Variants in RHOT1 observed in about 807,000 individuals in gnomAD.
RHOT1 encodes mitochondrial Rho GTPase 1.
A neutral mutation model predicts 95.3 loss-of-function variants in RHOT1; 27 were observed. That is an observed-to-expected ratio of 0.28 (90% CI 0.21 to 0.39). The LOEUF (loss-of-function observed/expected upper bound fraction) is 0.39. RHOT1 is among the 10% of genes least tolerant of loss of function. The pLI, the probability that RHOT1 is intolerant of heterozygous loss-of-function variation, is 1.00. For synonymous variants in RHOT1, 227 were observed against 263.5 expected (o/e 0.86, Z 1.34); for missense variants, 578 against 786.7 (o/e 0.73, Z 3.17).
rs918615159 is a variant in RHOT1 at position 32,225,640 on chromosome 17, C to T, written c.*907C>T. ...TAATTTTTTAAATGATAAAATAAAT[C>T]TAATGAATATAAACTCTCATGATAA... On this transcript the variant is annotated 3_prime_UTR_variant, in exon 20 of 20. Transcript: ENST00000545287. 1.3e-5 allele frequency: 2 copies of T among 152,170 alleles called. No homozygotes were observed. Among genetic ancestry groups the T allele is most frequent in the Non-Finnish European group, 2.9e-5 (2 of 68,018 alleles). The allele number at this position is 152,170 out of a possible 1,614,324, so 9.4% of individuals were successfully genotyped here. A position where few individuals can be genotyped will look rare whatever the true frequency, so the allele number is the denominator to read the frequency against.
At chr17:32,146,899 ATTTT>A (rs71144808) in intron 1 of RHOT1, among the ~76,000 whole-genome samples, 1 of 98,022 alleles carries the variant, frequency 1.0e-5, no homozygotes, top group Non-Finnish European at 2.0e-5. Flanking sequence ...ATTTTTGTAA[ATTTT>A]TTTTTTTTTT....
At chr17:32,197,190 G>T (rs2036952791) in intron 11 of RHOT1, among the ~76,000 whole-genome samples, 1 of 151,924 alleles carries the variant, frequency 6.6e-6, no homozygotes, top group South Asian at 2.1e-4. Context: ...TAGAAGTGGG[G>T]AGCCTGTCTC....
chr17:32,185,005 C>G (rs970236528), intron 8 of RHOT1, among the ~76,000 whole-genome samples: 1 of 152,174 alleles, frequency 6.6e-6, no homozygotes, highest in African/African-American at 2.4e-5. Flanking sequence ...ATTATAACCT[C>G]AAATTCCTGG....
At chr17:32,203,704 CTTTTA>C (rs2037495288) in intron 15 of RHOT1, among the ~76,000 whole-genome samples, 181 bp from the exon 16 acceptor site, 1 of 152,160 alleles carries the variant, frequency 6.6e-6, no homozygotes, top group Non-Finnish European at 1.5e-5. Flanking sequence ...ACAAATACAT[CTTTTA>C]TTTTAGGTCT....
chr17:32,186,858 C>T (rs1399336956), intron 8 of RHOT1, among the ~76,000 whole-genome samples: 38 of 152,162 alleles, frequency 2.5e-4, no homozygotes, highest in Admixed American at 1.3e-3. Flanking sequence ...GAGGGGGTCT[C>T]GCTGAGTTGC....
chr17:32,220,236 C>T (rs2038743902), intron 19 of RHOT1, among the ~76,000 whole-genome samples: 1 of 152,124 alleles, frequency 6.6e-6, no homozygotes, highest in Admixed American at 6.5e-5. Flanking sequence ...ATGGCACACA[C>T]CTGTAGTCCC....
intron 14 of RHOT1, 111 bp from the exon 15 acceptor site, chr17:32,202,659 C>T: frequency 4.2e-6 from 3 of 720,740 alleles, no homozygotes; most frequent in Admixed American, 3.0e-5. Flanking sequence ...AGATCAGCTA[C>T]TTCATAAAAA....
chr17:32,188,723 T>G (rs185969139), intron 8 of RHOT1, among the ~76,000 whole-genome samples: 2 of 152,366 alleles, frequency 1.3e-5, no homozygotes, highest in Admixed American at 6.5e-5. Flanking sequence ...AAAAAAACTT[T>G]GTAGAAGTTT....
At chr17:32,161,085 G>T (rs1426831016) in intron 1 of RHOT1, among the ~76,000 whole-genome samples, 1 of 152,208 alleles carries the variant, frequency 6.6e-6, no homozygotes, top group Non-Finnish European at 1.5e-5. Flanking sequence ...CAGTATTGTA[G>T]TAAAGAAATA....
chr17:32,202,599 G>T (rs557924315), intron 14 of RHOT1, among the ~76,000 whole-genome samples, 171 bp from the exon 15 acceptor site: 1 of 152,098 alleles, frequency 6.6e-6, no homozygotes, highest in Admixed American at 6.5e-5. Flanking sequence ...TCTGCATTCT[G>T]TGTACTTCAT....
Position 32,225,284 on chromosome 17 carries a change from G to A in RHOT1, c.*551G>A, listed in dbSNP as rs1439244568. On this transcript the variant is annotated 3_prime_UTR_variant, in exon 20 of 20. Coordinates refer to ENST00000545287, the MANE Select transcript of RHOT1 (RefSeq NM_001033566.3). ...CAGTCAGTTGTGGTAGGCCAGCCTTGAAGCCATCGCACAGTCTAGAAACTT... is the reference window on the plus strand; with the variant it reads ...CAGTCAGTTGTGGTAGGCCAGCCTTAAAGCCATCGCACAGTCTAGAAACTT... 1 of 153,346 alleles carries A rather than the reference G, an allele frequency of 6.5e-6. No individual in the cohort carries two copies. The highest frequency in any genetic ancestry group is 1.5e-5 in the Non-Finnish European group (1 of 68,522). The allele number at this position is 153,346 out of a possible 1,614,324, so 9.5% of individuals were successfully genotyped here.
intron 14 of RHOT1, among the ~76,000 whole-genome samples, chr17:32,202,484 C>T (rs1253545179): frequency 1.3e-5 from 2 of 151,968 alleles, no homozygotes; most frequent in Non-Finnish European, 2.9e-5. Context: ...AGGATATTTT[C>T]CTTATGAAAA....
At chr17:32,190,564 T>G (rs777738059) in intron 8 of RHOT1, among the ~76,000 whole-genome samples, 3 of 152,196 alleles carry the variant, frequency 2.0e-5, no homozygotes, top group Non-Finnish European at 4.4e-5. Context: ...AAAGATTAGG[T>G]TCTGTTTTGT....
In RHOT1 at chr17:32,193,125, T is replaced by G. The variant is rs756715681; in HGVS notation, c.640-11T>G. The G allele has an allele frequency of 1.9e-6, 3 of 1,539,312 alleles. No individual in the cohort carries two copies. Among genetic ancestry groups the G allele is most frequent in the East Asian group, 2.3e-5 (1 of 44,366 alleles). On this transcript the variant is annotated splice_polypyrimidine_tract_variant and intron_variant, in intron 9 of 19. Coordinates refer to ENST00000545287, the MANE Select transcript of RHOT1 (RefSeq NM_001033566.3). Reference sequence around the variant, plus strand: ...GTTTGTTTTTAAATATATTTTTATGTTTTTTGCTAGAGGATTTGTTTCAAC... The same window carrying G: ...GTTTGTTTTTAAATATATTTTTATGGTTTTTGCTAGAGGATTTGTTTCAAC...
chr17:32,165,758 TAGA>T (rs2034020445), intron 1 of RHOT1, among the ~76,000 whole-genome samples: 1 of 152,138 alleles, frequency 6.6e-6, no homozygotes, highest in Admixed American at 6.5e-5. Context: ...AATAGGATAA[TAGA>T]GGAATCTGTT....
At chr17:32,151,294 C>G in intron 1 of RHOT1, 1 of 658,836 alleles carries the variant, frequency 1.5e-6, no homozygotes, top group Non-Finnish European at 2.9e-6. Flanking sequence ...TTGCTGTAGT[C>G]CCAGATACTT....
At chr17:32,180,574 A>G (rs966879917) in intron 6 of RHOT1, among the ~76,000 whole-genome samples, 2 of 151,198 alleles carry the variant, frequency 1.3e-5, no homozygotes, top group African/African-American at 4.9e-5. Context: ...TCTCTCCACT[A>G]TTATCCTATG....
intron 6 of RHOT1, among the ~76,000 whole-genome samples, chr17:32,181,249 T>C (rs1373873526): frequency 6.6e-6 from 1 of 152,330 alleles, no homozygotes; most frequent in African/African-American, 2.4e-5. Context: ...CACAGACTTA[T>C]CAGATTTAAC....
chr17:32,164,348 C>T (rs1184366438), intron 1 of RHOT1, among the ~76,000 whole-genome samples: 4 of 151,654 alleles, frequency 2.6e-5, no homozygotes, highest in South Asian at 4.2e-4. Flanking sequence ...ATTCTTCTGC[C>T]TCAGCCTTCC....
Sources: allele counts gnomAD v4.1 joint callset (sites outside exome capture counted in the v4.1 genomes callset), GRCh38; gene constraint gnomAD v4.1.1; transcripts MANE v1.5; gene names NCBI Gene and HGNC (gene_info 2026-07-23, HGNC 2026-07-21).